Variants in WNK4 observed in about 807,000 individuals in gnomAD.
WNK4 encodes the protein WNK lysine deficient protein kinase 4.
A neutral mutation model predicts 116.2 loss-of-function variants in WNK4; 94 were observed. The ratio of observed to expected loss-of-function variants is 0.81; its 90% CI spans 0.68 to 0.96. The LOEUF (loss-of-function observed/expected upper bound fraction) is 0.96, where lower values mean the gene tolerates loss of function less well. WNK4 is among the 40% of genes least tolerant of loss of function. WNK4 has a pLI of 0.00. For synonymous variants in WNK4, 655 were observed against 672.7 expected, an observed-to-expected ratio of 0.97 and a Z score of 0.41; for missense variants, 1,542 against 1,650.6, an observed-to-expected ratio of 0.93 and a Z score of 1.14.
Position 42,787,567 on chromosome 17 carries a change from G to A in WNK4, c.1741+25G>A, listed in dbSNP as rs149418520. The A allele has an allele frequency of 4.9e-3, 7,905 of 1,612,198 alleles. 36 individuals are homozygous for A. The highest frequency in any genetic ancestry group is 6.1e-3 in the Non-Finnish European group (7,221 of 1,179,980). On this transcript the variant is annotated intron_variant, in intron 7 of 18. Transcript: ENST00000246914. Reference sequence around the variant, plus strand: ...TGTAAGTCACCCCTGATCTTGAGACGTAGGTCCCAGAACACCTTGGCCTCT... The same window carrying A: ...TGTAAGTCACCCCTGATCTTGAGACATAGGTCCCAGAACACCTTGGCCTCT...
rs1338048277 is a variant in WNK4 at position 42,784,932 on chromosome 17, G to A, written c.1171-165G>A. 6.6e-6 allele frequency among the ~76,000 whole-genome samples: 1 copy of A among 150,392 alleles called. No homozygotes were observed. The highest frequency in any genetic ancestry group is 1.5e-5 in the Non-Finnish European group (1 of 67,666). On this transcript the variant is annotated intron_variant, in intron 4 of 18. Coordinates refer to ENST00000246914, the MANE Select transcript of WNK4 (RefSeq NM_032387.5). This position sits in a 1 kb window ranked among gnomAD's most constrained non-coding sequence, Gnocchi z 4.4. Reference sequence around the variant, plus strand: ...AGATCACACTGTAAATACTTGGGGGGGGGGCGGGGATTAGGATTTGAAATC... The same window carrying A: ...AGATCACACTGTAAATACTTGGGGGAGGGGCGGGGATTAGGATTTGAAATC...
Position 42,787,559 on chromosome 17 carries a change from CT to C in WNK4, c.1741+19del, listed in dbSNP as rs1222472549. 1.1e-5 allele frequency: 17 copies of C among 1,612,860 alleles called. No individual in the cohort carries two copies. Among genetic ancestry groups the C allele is most frequent in the Non-Finnish European group, 1.4e-5 (17 of 1,179,996 alleles). ...CTACCACTTGTAAGTCACCCCTGAT[CT>C]TGAGACGTAGGTCCCAGAACACCTT... On this transcript the variant is annotated intron_variant, in intron 7 of 18. Transcript: ENST00000246914.
At chr17:42,788,458 A>G in intron 10 of WNK4, 51 bp downstream of exon 10, 1 of 1,581,150 alleles carries the variant, frequency 6.3e-7, no homozygotes. Context: ...CCAGGAGGGA[A>G]GTGTCAGGGG....
intron 6 of WNK4, among the ~76,000 whole-genome samples, chr17:42,785,864 T>C (rs1056726572): frequency 6.6e-6 from 1 of 152,210 alleles, no homozygotes; most frequent in African/African-American, 2.4e-5. Flanking sequence ...CAAACTTAAA[T>C]GCTTCTTTCC....
At position 42,788,731 on chromosome 17, in the gene WNK4, C is replaced by T. The variant is rs750626570; in HGVS notation, c.2091C>T (p.Asn697=). The change falls in exon 11 of 19, where the codon AAC becomes AAT. Residue 697 remains asparagine, a synonymous_variant. Coordinates refer to ENST00000246914, the MANE Select transcript of WNK4 (RefSeq NM_032387.5). Reference sequence around the variant, plus strand: ...TTGAGTGCCAGCTACAGACCCATAACAGCAAGATGGTGACCTTCCGATTTG... The same window carrying T: ...TTGAGTGCCAGCTACAGACCCATAATAGCAAGATGGTGACCTTCCGATTTG... ...RVVECQLQTH[N]SKMVTFRFDL... The T allele has an allele frequency of 8.1e-6, 13 of 1,613,994 alleles. No individual in the cohort carries two copies. Among genetic ancestry groups the T allele is most frequent in the Non-Finnish European group, 1.1e-5 (13 of 1,180,032 alleles).
rs1568028436 is a variant in WNK4 at position 42,785,481 on chromosome 17, T to C, written c.1475T>C (p.Met492Thr). Residue 492 changes from methionine to threonine, a missense_variant and splice_region_variant, in exon 6 of 19, where the codon ATG (methionine) becomes ACG (threonine). By Grantham distance (81) the Met-to-Thr change is moderately conservative (BLOSUM62 -1). Transcript: ENST00000246914. ...GCGGCCGAGGAGGTGGCACAGGAGA[T>C]GGTGAGCGGAGGACAGACTGTGCTG... Reference protein sequence around the residue: ...RDAAEEVAQEMVALGLVCEAD... With the variant: ...RDAAEEVAQETVALGLVCEAD... The C allele has an allele frequency of 2.6e-6, 4 of 1,551,724 alleles. No homozygotes were observed. The highest frequency in any genetic ancestry group is 2.4e-5 in the East Asian group (1 of 41,078).
chr17:42,783,700 C>G lies in WNK4; in HGVS notation c.792-237C>G, dbSNP rs557395333. 6.8e-6 allele frequency: 4 copies of G among 588,474 alleles called. No homozygotes were observed. In the East Asian group the frequency reaches 1.1e-4, roughly 17 times the overall value. 36.5% of individuals were successfully genotyped at this position (588,474 alleles called of 1,614,324 possible). ...ATCCCTTCCTGCGCTCCCACAGCAC[C>G]TTGGCCGAGGCCCTATCTATCAATT... On this transcript the variant is annotated intron_variant, in intron 2 of 18. Coordinates refer to ENST00000246914, the MANE Select transcript of WNK4 (RefSeq NM_032387.5).
chr17:42,787,234 A>AG (rs1451919850), intron 6 of WNK4, 44 bp from the exon 7 acceptor site: 1 of 1,611,008 alleles, frequency 6.2e-7, no homozygotes, highest in Non-Finnish European at 8.5e-7. Context: ...GATCTTTGAT[A>AG]GGGGGTCCCA....
At position 42,782,683 on chromosome 17, in the gene WNK4, A is replaced by G. The variant is rs1164040320; in HGVS notation, c.619-75A>G. ...GCTCCAACCCTCACCTCTTCCCCCAACCCCACTCCAGGTGTCCCTCTTCCT... is the reference window on the plus strand; with the variant it reads ...GCTCCAACCCTCACCTCTTCCCCCAGCCCCACTCCAGGTGTCCCTCTTCCT... On this transcript the variant is annotated intron_variant, in intron 1 of 18. Transcript: ENST00000246914. This position sits in a 1 kb window ranked among gnomAD's most constrained non-coding sequence, Gnocchi z 4.2. 6 of 1,572,558 alleles carry G rather than the reference A, an allele frequency of 3.8e-6. No homozygotes were observed. In the African/African-American group the frequency reaches 4.1e-5, roughly 11 times the overall value.
At chr17:42,785,612 C>T in intron 6 of WNK4, 130 bp downstream of exon 6, 3 of 1,161,766 alleles carry the variant, frequency 2.6e-6, no homozygotes, top group African/African-American at 3.0e-5. Flanking sequence ...CTCTCAAAAT[C>T]TCCTGCAGCG....
Position 42,796,047 on chromosome 17 carries a change from G to A in WNK4, c.3431+14G>A. On this transcript the variant is annotated intron_variant, in intron 16 of 18. Transcript: ENST00000246914. ...TCTTCGGCAGAAGTGAGTCTCGGGA[G>A]GATGGAGGAGTGAGAGGAGAACCTG... is the stretch of plus-strand genomic sequence containing the variant. 1.2e-6 allele frequency: 2 copies of A among 1,614,010 alleles called. No homozygotes were observed. The highest frequency in any genetic ancestry group is 1.7e-6 in the Non-Finnish European group (2 of 1,180,046).
chr17:42,796,060 AGAG>A (rs778073737), intron 16 of WNK4, 27 bp downstream of exon 16: 1 of 1,613,992 alleles, frequency 6.2e-7, no homozygotes. Context: ...TGGAGGAGTG[AGAG>A]GAGAACCTGG....
At chr17:42,786,582 G>A (rs771602473) in intron 6 of WNK4, among the ~76,000 whole-genome samples, 9 of 152,120 alleles carry the variant, frequency 5.9e-5, no homozygotes, top group South Asian at 2.1e-4. Flanking sequence ...TAGTAGGAAC[G>A]GGGTTTCACC....
intron 10 of WNK4, 79 bp from the exon 11 acceptor site, chr17:42,788,602 A>G (rs1404183271): frequency 5.4e-6 from 7 of 1,302,326 alleles, no homozygotes; most frequent in Non-Finnish European, 7.8e-6. Flanking sequence ...GGCTGCTGTC[A>G]CTTGGCTGGG....
rs1290994248 is a variant in WNK4, at chr17:42,787,799, A to C, written c.1763A>C (p.Tyr588Ser). The C allele has an allele frequency of 1.2e-6, 2 of 1,612,300 alleles. No homozygotes were observed. The highest frequency in any genetic ancestry group is 1.7e-6 in the Non-Finnish European group (2 of 1,179,976). The change falls in exon 8 of 19, where the codon TAC (tyrosine) becomes TCC (serine). Residue 588 changes from tyrosine to serine, a missense_variant. This residue lies in a region of WNK4 where 808 missense variants were observed against 873.6 expected (regional missense o/e 0.92). Transcript: ENST00000246914. ...CCAGCGGATTGCGAGACTGATGGCT[A>C]CCTCAGCTCCTCCGGCTTCCTGGAT... ...STTSDCETDG[Y>S]LSSSGFLDAS...
intron 12 of WNK4, chr17:42,794,366 A>G (rs2054638542): frequency 1.8e-6 from 1 of 566,114 alleles, no homozygotes; most frequent in South Asian, 2.2e-5. Flanking sequence ...TAGCGTCATC[A>G]TTGTCTCTTC....
At position 42,782,643 on chromosome 17, in the gene WNK4, C is replaced by G. The variant is rs2054497303; in HGVS notation, c.619-115C>G. 1 of 1,221,232 alleles carries G rather than the reference C, an allele frequency of 8.2e-7. No homozygotes were observed. The highest frequency in any genetic ancestry group is 1.5e-5 in the African/African-American group (1 of 66,976). 75.6% of individuals were successfully genotyped at this position (1,221,232 alleles called of 1,614,324 possible). Reference sequence around the variant, plus strand: ...CACTGGGCAAGTAATCCCATTAACCCCACCCCATCTGTGGGCTCCAACCCT... The same window carrying G: ...CACTGGGCAAGTAATCCCATTAACCGCACCCCATCTGTGGGCTCCAACCCT... On this transcript the variant is annotated intron_variant, in intron 1 of 18. Transcript: ENST00000246914. This position sits in a 1 kb window ranked among gnomAD's most constrained non-coding sequence, Gnocchi z 4.2.
At chr17:42,789,283 T>TA (rs1171513001) in intron 11 of WNK4, among the ~76,000 whole-genome samples, 6 of 152,032 alleles carry the variant, frequency 3.9e-5, no homozygotes, top group Admixed American at 1.3e-4. Context: ...TCACTGGAAG[T>TA]AAAGATTCCT....
Position 42,796,720 on chromosome 17 carries a change from A to G in WNK4, c.*32A>G, listed in dbSNP as rs769121178. On this transcript the variant is annotated 3_prime_UTR_variant, in exon 19 of 19. Coordinates refer to ENST00000246914, the MANE Select transcript of WNK4 (RefSeq NM_032387.5). ...AACAGAAGCCATGTATCTCCCCCAC[A>G]CCAGGGCCCACCATGGAGCTTGTGT... 1.2e-6 allele frequency: 2 copies of G among 1,614,108 alleles called. No individual in the cohort carries two copies. The highest frequency in any genetic ancestry group is 1.6e-4 in the Middle Eastern group (1 of 6,062).
Sources: allele counts gnomAD v4.1 joint callset (sites outside exome capture counted in the v4.1 genomes callset), GRCh38; gene constraint gnomAD v4.1.1; regional missense constraint gnomAD v4.1.1; non-coding constraint Gnocchi (gnomAD v3.1); transcripts MANE v1.5; gene names NCBI Gene and HGNC (gene_info 2026-07-23, HGNC 2026-07-21).